The following HPGD variants were observed in gnomAD, a reference collection of about 807,000 sequenced individuals.
The protein encoded by HPGD is 15-hydroxyprostaglandin dehydrogenase, also known as 15-hydroxyprostaglandin dehydrogenase [NAD(+)].
HPGD carries 29 observed loss-of-function variants against 30.0 expected under a neutral mutation model. The observed-to-expected ratio is 0.97, with a 90% CI of 0.72 to 1.32. HPGD has a LOEUF of 1.32. Among genes scored for constraint, HPGD ranks in the 40% most tolerant of loss-of-function variants. The pLI is 0.00. For missense variants in HPGD, 340 were observed against 322.1 expected (o/e 1.06, Z -0.43); for synonymous variants, 99 against 112.4 (o/e 0.88, Z 0.75).
At chr4:174,515,540 G>A (rs3101255) in intron 3 of HPGD, among the ~76,000 whole-genome samples, 108,298 of 151,946 alleles carry the variant, frequency 0.71, 38,934 homozygotes, top group East Asian at 0.96. Flanking sequence ...AAAACACAAA[G>A]CACCCCATTC....
rs746236493 is a variant in HPGD, at chr4:174,495,656, T to C, written c.422-32A>G. 3.3e-6 allele frequency: 5 copies of C among 1,507,860 alleles called. No homozygotes were observed. The African/African-American group carries it at 4.1e-5, about 12-fold the overall frequency. 93.4% of individuals were successfully genotyped at this position (1,507,860 alleles called of 1,614,324 possible). On this transcript the variant is annotated intron_variant, in intron 4 of 6. Transcript: ENST00000296522. The stretch of plus-strand genomic sequence containing the variant: ...CAGACAAATATAACATTTAAATGCT[T>C]TGATGAAAAAATAAGTAGACTATAC...
chr4:174,522,008 C>T lies in HPGD; in HGVS notation c.153G>A (p.Glu51=). The change falls in exon 2 of 7, where the codon GAG becomes GAA. Residue 51 remains glutamate, a synonymous_variant. Transcript: ENST00000296522. ...AGVQCKAALD[E]QFEPQKTLFI... ...ACAGAGTCTTCTGAGGTTCAAACTG[C>T]TCATCCAGGGCAGCTTTACACTGTA... 1 of 1,614,112 alleles carries T rather than the reference C, an allele frequency of 6.2e-7. No individual in the cohort carries two copies.
At chr4:174,521,053 A>G (rs1197549913) in intron 2 of HPGD, among the ~76,000 whole-genome samples, 1 of 152,208 alleles carries the variant, frequency 6.6e-6, no homozygotes, top group Non-Finnish European at 1.5e-5. Flanking sequence ...GAGCACTGGA[A>G]TAAGATTTGC....
intron 3 of HPGD, among the ~76,000 whole-genome samples, chr4:174,516,463 A>G (rs1735778880): frequency 6.6e-6 from 1 of 152,150 alleles, no homozygotes; most frequent in East Asian, 1.9e-4. Flanking sequence ...AAAGGGGAAC[A>G]ATAGTCCCCA....
chr4:174,500,190 T>C (rs1246156415), intron 4 of HPGD, among the ~76,000 whole-genome samples: 1 of 152,198 alleles, frequency 6.6e-6, no homozygotes, highest in East Asian at 1.9e-4. Context: ...ATAGGAAATT[T>C]CAAATTAAAA....
chr4:174,521,851 A>C (rs1038476839), intron 2 of HPGD, 93 bp downstream of exon 2: 2 of 1,453,494 alleles, frequency 1.4e-6, no homozygotes, highest in Non-Finnish European at 1.9e-6. Flanking sequence ...GAGGCAGCGG[A>C]GGCGGCACCC....
intron 2 of HPGD, among the ~76,000 whole-genome samples, chr4:174,520,539 A>T (rs1449871801): frequency 6.6e-6 from 1 of 152,186 alleles, no homozygotes; most frequent in Non-Finnish European, 1.5e-5. Flanking sequence ...CATGACCAAC[A>T]TGCCTTCCCG....
chr4:174,508,084 A>G, intron 4 of HPGD: 2 of 697,492 alleles, frequency 2.9e-6, no homozygotes, highest in South Asian at 1.5e-5. Context: ...CTAGAGAAAA[A>G]GGAATCCAGC....
intron 3 of HPGD, among the ~76,000 whole-genome samples, chr4:174,512,103 G>A (rs982618875): frequency 5.9e-5 from 9 of 152,168 alleles, no homozygotes; most frequent in Non-Finnish European, 1.3e-4. Flanking sequence ...AAAGTAAGGA[G>A]TAAATTTGAT....
Position 174,492,215 on chromosome 4 carries a change from A to C in HPGD, c.663-121T>G. 1 of 857,250 alleles carries C rather than the reference A, an allele frequency of 1.2e-6. No individual in the cohort carries two copies. The highest frequency in any genetic ancestry group is 1.9e-6 in the Non-Finnish European group (1 of 526,942). The allele number at this position is 857,250 out of a possible 1,614,324, so 53.1% of individuals were successfully genotyped here. A position where few individuals can be genotyped will look rare whatever the true frequency, so the allele number is the denominator to read the frequency against. On this transcript the variant is annotated intron_variant, in intron 6 of 6. Coordinates refer to ENST00000296522, the MANE Select transcript of HPGD (RefSeq NM_000860.6). This position sits in a 1 kb window ranked among gnomAD's most constrained non-coding sequence, Gnocchi z 4.9. ...TGTTATAGGGAAATGTGTGTCATTA[A>C]ACTATTGCTACTTCCAATTTTTATT...
At chr4:174,514,728 C>CT (rs1039736004) in intron 3 of HPGD, among the ~76,000 whole-genome samples, 12 of 152,072 alleles carry the variant, frequency 7.9e-5, no homozygotes, top group African/African-American at 1.4e-4. Flanking sequence ...GTCAAACTAT[C>CT]TTTTTTTGCA....
At chr4:174,522,288 C>T (rs1736181203) in intron 1 of HPGD, 71 bp downstream of exon 1, 4 of 1,448,616 alleles carry the variant, frequency 2.8e-6, no homozygotes, top group Non-Finnish European at 1.9e-6. Flanking sequence ...TCCGCCAGTG[C>T]ACCTCGGGCG....
chr4:174,519,218 A>ATTT (rs111659072), intron 2 of HPGD, among the ~76,000 whole-genome samples: 21,468 of 146,112 alleles, frequency 0.15, 1,741 homozygotes, highest in East Asian at 0.24. Flanking sequence ...TTTTTCATGG[A>ATTT]TTTTTTTTTT....
intron 4 of HPGD, 136 bp from the exon 5 acceptor site, chr4:174,495,760 C>G (rs1201314350): frequency 2.8e-6 from 2 of 717,632 alleles, no homozygotes; most frequent in Non-Finnish European, 4.9e-6. Context: ...AACATAAAAC[C>G]AGATAGCTTT....
chr4:174,522,596 C>A (rs1348290820), upstream of HPGD: 1 of 559,254 alleles, frequency 1.8e-6, no homozygotes, highest in African/African-American at 2.0e-5. Context: ...CAAGCCAGCG[C>A]CCGCCGGGGA....
Position 174,491,808 on chromosome 4 carries a change from C to A in HPGD, c.*148G>T. 1 of 715,646 alleles carries A rather than the reference C, an allele frequency of 1.4e-6. No individual in the cohort carries two copies. The highest frequency in any genetic ancestry group is 2.4e-6 in the Non-Finnish European group (1 of 413,876). The allele number at this position is 715,646 out of a possible 1,614,324, so 44.3% of individuals were successfully genotyped here. On this transcript the variant is annotated 3_prime_UTR_variant, in exon 7 of 7. Coordinates refer to ENST00000296522, the MANE Select transcript of HPGD (RefSeq NM_000860.6). ...CATAACTTTTTATCCATATACTTAACTAAAAATTTAGAAAACGTTTATCAC... is the reference window on the plus strand; with the variant it reads ...CATAACTTTTTATCCATATACTTAAATAAAAATTTAGAAAACGTTTATCAC...
intron 4 of HPGD, among the ~76,000 whole-genome samples, chr4:174,505,476 A>T (rs1401921879): frequency 6.6e-6 from 1 of 152,214 alleles, no homozygotes; most frequent in African/African-American, 2.4e-5. Flanking sequence ...CCTACATGCT[A>T]TGACTCAAGG....
chr4:174,492,711 A>G lies in HPGD; in HGVS notation c.662+440T>C, dbSNP rs45486996. On this transcript the variant is annotated intron_variant, in intron 6 of 6. Transcript: ENST00000296522. The surrounding 1 kb of genome is among the most constrained non-coding windows in gnomAD (Gnocchi z 4.9). ...TCCTTCAACATGATAACTATGATTC[A>G]TGAAATCCTCAGTTGCTTGAATTCA... 5.9e-3 allele frequency among the ~76,000 whole-genome samples: 895 copies of G among 152,178 alleles called. 5 individuals carry two copies. Among genetic ancestry groups the G allele is most frequent in the African/African-American group, 0.021 (868 of 41,556 alleles).
intron 3 of HPGD, among the ~76,000 whole-genome samples, chr4:174,515,578 T>C (rs2110862014): frequency 6.6e-6 from 1 of 150,920 alleles, no homozygotes; most frequent in Non-Finnish European, 1.5e-5. Context: ...AAAGATCTCA[T>C]GATGAAGTCT....
Sources: gnomAD v4.1 joint callset for allele counts (sites outside exome capture counted in the v4.1 genomes callset) on GRCh38, gnomAD v4.1.1 for gene constraint, Gnocchi (gnomAD v3.1) non-coding constraint, MANE v1.5 for transcripts, NCBI Gene and HGNC (gene_info 2026-07-23, HGNC 2026-07-21) for gene names.